Variants in CALN1 observed in about 807,000 individuals in gnomAD.
CALN1 encodes calneuron 1.
CALN1 carries 17 observed loss-of-function variants against 30.6 expected under a neutral mutation model. The observed-to-expected ratio is 0.56, with a 90% CI of 0.38 to 0.83. The LOEUF (loss-of-function observed/expected upper bound fraction) is 0.83, where lower values mean the gene tolerates loss of function less well. CALN1 is among the 40% of genes least tolerant of loss of function. The pLI, the probability that CALN1 is intolerant of heterozygous loss-of-function variation, is 0.00. For missense variants in CALN1, 291 were observed against 354.9 expected, an observed-to-expected ratio of 0.82 and a Z score of 1.45; for synonymous variants, 156 against 131.4, an observed-to-expected ratio of 1.19 and a Z score of -1.28.
chr7:72,181,105 C>CA (rs1036092048), intron 3 of CALN1, among the ~76,000 whole-genome samples: 3 of 89,864 alleles, frequency 3.3e-5, no homozygotes, highest in African/African-American at 9.9e-5. Context: ...AACCCCCCCC[C>CA]CCCCCAAAAA....
intron 5 of CALN1, among the ~76,000 whole-genome samples, chr7:71,833,441 T>C (rs1212737855): frequency 1.3e-5 from 2 of 151,706 alleles, no homozygotes; most frequent in East Asian, 1.9e-4. Context: ...TGAAGAAAAA[T>C]ATGTGGCAAA....
intron 2 of CALN1, among the ~76,000 whole-genome samples, chr7:72,302,996 CCAGGAGTT>C (rs1475413569): frequency 3.1e-4 from 46 of 150,490 alleles, no homozygotes; most frequent in African/African-American, 1.1e-3. Flanking sequence ...TCCCTTGAGC[CCAGGAGTT>C]CAGGAGTTCA....
chr7:72,149,458 CTG>C (rs1220101594), intron 3 of CALN1, among the ~76,000 whole-genome samples: 4 of 152,100 alleles, frequency 2.6e-5, no homozygotes, highest in African/African-American at 7.2e-5. Context: ...CAGAGTGAGA[CTG>C]TGTCTCCAAA....
intron 5 of CALN1, among the ~76,000 whole-genome samples, chr7:71,823,297 G>GA (rs1788700362): frequency 6.6e-6 from 1 of 151,970 alleles, no homozygotes; most frequent in Non-Finnish European, 1.5e-5. Flanking sequence ...ATCCTCCTGT[G>GA]TAGCTGGGAT....
At chr7:72,057,887 G>T (rs550455007) in intron 4 of CALN1, among the ~76,000 whole-genome samples, 1 of 152,148 alleles carries the variant, frequency 6.6e-6, no homozygotes, top group Non-Finnish European at 1.5e-5. Flanking sequence ...GTCTTCAAGC[G>T]TCTACATGAA....
At chr7:72,249,905 C>A (rs1465386389) in intron 3 of CALN1, among the ~76,000 whole-genome samples, 4 of 148,540 alleles carry the variant, frequency 2.7e-5, no homozygotes, top group African/African-American at 1.0e-4. Flanking sequence ...CCACTGCACT[C>A]CAGCCTGGGT....
intron 4 of CALN1, 93 bp from the exon 5 acceptor site, chr7:72,023,862 G>T: frequency 1.3e-6 from 1 of 785,930 alleles, no homozygotes; most frequent in Non-Finnish European, 2.1e-6. Flanking sequence ...TTTCTTCTTG[G>T]CATGACCTCA....
chr7:71,872,838 T>C (rs1447844703), intron 5 of CALN1, among the ~76,000 whole-genome samples: 1 of 151,562 alleles, frequency 6.6e-6, no homozygotes, highest in South Asian at 2.1e-4. Context: ...GACCTCGAAC[T>C]CTTGAGCTCA....
rs555621436 is a variant in CALN1, at chr7:71,979,869, C to CTTTTTTT, written c.501+43781_501+43787dup. ...ATAAAATCTCAGACACATCAGGATT[C>CTTTTTTT]TTTTTTTTTTTTTTTTTTTTTTTTT... On this transcript the variant is annotated intron_variant, in intron 5 of 6. Coordinates refer to ENST00000395275, the MANE Select transcript of CALN1 (RefSeq NM_031468.4). 2.0e-4 allele frequency among the ~76,000 whole-genome samples: 18 copies of CTTTTTTT among 89,684 alleles called. 1 individual carries two copies. Among genetic ancestry groups the CTTTTTTT allele is most frequent in the African/African-American group, 6.4e-4 (15 of 23,540 alleles). 58.8% of individuals were successfully genotyped at this position (89,684 alleles called of 152,430 possible).
chr7:71,970,822 T>C (rs896042503), intron 5 of CALN1, among the ~76,000 whole-genome samples: 1 of 152,184 alleles, frequency 6.6e-6, no homozygotes, highest in Non-Finnish European at 1.5e-5. Context: ...GCCCAGTTAC[T>C]GCCAAATGGC....
intron 4 of CALN1, among the ~76,000 whole-genome samples, chr7:72,098,675 A>T (rs539288194): frequency 7.9e-5 from 12 of 151,726 alleles, no homozygotes; most frequent in Non-Finnish European, 1.8e-4. Context: ...ATACTACTGC[A>T]CTCCAGCTTG....
the CALN1 span, among the ~76,000 whole-genome samples, chr7:72,486,976 C>T: frequency 6.6e-6 from 1 of 152,188 alleles, no homozygotes; most frequent in African/African-American, 2.4e-5. Context: ...TAGCCACATT[C>T]ACGGGAGTAT....
intron 2 of CALN1, among the ~76,000 whole-genome samples, chr7:72,374,771 G>A (rs1262793744): frequency 3.3e-5 from 5 of 152,026 alleles, no homozygotes; most frequent in Admixed American, 6.6e-5. Context: ...ATTTCCTCAT[G>A]TATCACCTTC....
At chr7:72,501,369 T>TG in the CALN1 span, among the ~76,000 whole-genome samples, 1 of 15,488 alleles carries the variant, frequency 6.5e-5, no homozygotes, top group Admixed American at 9.0e-4. Context: ...CACGTCTCTA[T>TG]TAAAAAAAAA....
chr7:72,434,338 A>C (rs1808069513), intron 1 of CALN1, among the ~76,000 whole-genome samples: 1 of 149,894 alleles, frequency 6.7e-6, no homozygotes, highest in Non-Finnish European at 1.5e-5. Flanking sequence ...CCCCGTCTCT[A>C]CTAAAATACC....
At chr7:72,455,202 G>T in the CALN1 span, among the ~76,000 whole-genome samples, 1 of 151,606 alleles carries the variant, frequency 6.6e-6, no homozygotes, top group African/African-American at 2.4e-5. Flanking sequence ...CTCTGGAGGC[G>T]GAGGCAGGAA....
intron 2 of CALN1, among the ~76,000 whole-genome samples, chr7:72,319,458 C>A (rs1161058592): frequency 6.6e-6 from 1 of 152,132 alleles, no homozygotes; most frequent in Non-Finnish European, 1.5e-5. Context: ...TTCAATTACC[C>A]CATGATTCAA....
chr7:71,812,346 T>C (rs1562801430), intron 5 of CALN1, among the ~76,000 whole-genome samples: 1 of 152,096 alleles, frequency 6.6e-6, no homozygotes, highest in Non-Finnish European at 1.5e-5. Context: ...TAAAAGACAA[T>C]GTACTGGTTC....
rs149531629 is a variant in CALN1, at chr7:72,368,493, G to A, written c.119+34758C>T. ...CATTCAAATTTTCCCAATTGAGTGT[G>A]TGATAAATTTATATACAAGAAAATA... On this transcript the variant is annotated intron_variant, in intron 2 of 6. Coordinates refer to ENST00000395275, the MANE Select transcript of CALN1 (RefSeq NM_031468.4). Among the ~76,000 whole-genome samples the A allele has an allele frequency of 2.3e-3, 353 of 151,928 alleles. 2 individuals are homozygous for A. The highest frequency in any genetic ancestry group is 7.7e-3 in the African/African-American group (318 of 41,408).
Sources: gnomAD v4.1 joint callset for allele counts (sites outside exome capture counted in the v4.1 genomes callset) on GRCh38, gnomAD v4.1.1 for gene constraint, MANE v1.5 for transcripts, NCBI Gene and HGNC (gene_info 2026-07-23, HGNC 2026-07-21) for gene names.